Variants in DPP6 observed in about 807,000 individuals in gnomAD.
DPP6 encodes A-type potassium channel modulatory protein DPP6.
In DPP6, 69 loss-of-function variants were observed where a neutral mutation model predicts 122.6. The observed-to-expected ratio is 0.56, with a 90% confidence interval of 0.46 to 0.69. The LOEUF is 0.69. Ranked by LOEUF, DPP6 falls within the 30% of genes least tolerant of loss-of-function variation. DPP6 has a pLI of 0.00. For missense variants in DPP6, 928 were observed against 1,116.9 expected (o/e 0.83, Z 2.41); for synonymous variants, 418 against 433.1 (o/e 0.97, Z 0.43).
chr7:154,224,482 A>C (rs1192921542), intron 1 of DPP6, among the ~76,000 whole-genome samples: 3 of 149,256 alleles, frequency 2.0e-5, no homozygotes, highest in Non-Finnish European at 4.4e-5. Flanking sequence ...TGTGTACTCT[A>C]AATGTTTCTG....
intron 1 of DPP6, among the ~76,000 whole-genome samples, chr7:154,232,186 G>T (rs927749670): frequency 1.3e-5 from 2 of 152,068 alleles, no homozygotes; most frequent in Admixed American, 6.6e-5. Flanking sequence ...ACAAAATCAG[G>T]CTATCTAACA....
chr7:153,932,182 G>A (rs372568372), intron 1 of DPP6, among the ~76,000 whole-genome samples: 80 of 147,404 alleles, frequency 5.4e-4, no homozygotes, highest in Middle Eastern at 7.0e-3. Context: ...GTACAATGGC[G>A]CCATCTTGGC....
intron 6 of DPP6, among the ~76,000 whole-genome samples, chr7:154,666,024 C>A (rs1363363408): frequency 6.6e-6 from 1 of 151,974 alleles, no homozygotes; most frequent in Non-Finnish European, 1.5e-5. Flanking sequence ...CCCATCTTTC[C>A]ACCCTATTTC....
At chr7:154,110,518 G>C (rs890322227) in intron 1 of DPP6, among the ~76,000 whole-genome samples, 1 of 152,196 alleles carries the variant, frequency 6.6e-6, no homozygotes, top group African/African-American at 2.4e-5. Flanking sequence ...AAATCAGAGA[G>C]AAAAACACAG....
chr7:154,297,075 T>TG (rs1242080824), intron 1 of DPP6, among the ~76,000 whole-genome samples: 1 of 139,984 alleles, frequency 7.1e-6, no homozygotes, highest in Non-Finnish European at 1.5e-5. Flanking sequence ...TTTTTTTTTT[T>TG]TGTTTTGTTT....
At chr7:154,551,461 T>A (rs541890800) in intron 4 of DPP6, among the ~76,000 whole-genome samples, 68 of 152,312 alleles carry the variant, frequency 4.5e-4, no homozygotes, top group African/African-American at 1.5e-3. Flanking sequence ...AACATTTATC[T>A]TTTTCTTTTA....
chr7:153,815,141 T>C, the DPP6 span, among the ~76,000 whole-genome samples: 1 of 152,168 alleles, frequency 6.6e-6, no homozygotes, highest in Non-Finnish European at 1.5e-5. Context: ...ATAAAGGGTA[T>C]TCAATTAGGA....
At chr7:153,887,869 T>C in intron 1 of DPP6, 1 of 984,826 alleles carries the variant, frequency 1.0e-6, no homozygotes, top group East Asian at 2.8e-5. Flanking sequence ...CGGCGGCGCT[T>C]CTCCCACTTC....
the DPP6 span, among the ~76,000 whole-genome samples, chr7:153,877,481 C>T: frequency 1.3e-5 from 2 of 152,046 alleles, no homozygotes; most frequent in African/African-American, 4.8e-5. Flanking sequence ...CCAGCATCAC[C>T]AAAAACTCGT....
chr7:154,831,278 T>C (rs1436443110), intron 16 of DPP6, among the ~76,000 whole-genome samples: 1 of 152,070 alleles, frequency 6.6e-6, no homozygotes, highest in Non-Finnish European at 1.5e-5. Context: ...AGGCTCGGAG[T>C]GGCTTTGATG....
At chr7:154,051,654 C>T (rs1800328651), upstream of DPP6, among the ~76,000 whole-genome samples, 1 of 150,102 alleles carries the variant, frequency 6.7e-6, no homozygotes, top group African/African-American at 2.5e-5. Context: ...TGCGGGCAGC[C>T]GGAGAGCCGA....
chr7:154,482,586 T>C (rs1245869643), intron 3 of DPP6, among the ~76,000 whole-genome samples: 1 of 152,220 alleles, frequency 6.6e-6, no homozygotes, highest in Admixed American at 6.5e-5. Context: ...ATAACATATA[T>C]TGAATAATAC....
chr7:154,253,142 A>G (rs917043058), intron 1 of DPP6, among the ~76,000 whole-genome samples: 1 of 152,252 alleles, frequency 6.6e-6, no homozygotes, highest in Non-Finnish European at 1.5e-5. Flanking sequence ...TCATTGTCTG[A>G]GGAACCATTC....
intron 1 of DPP6, among the ~76,000 whole-genome samples, chr7:154,198,579 G>T (rs1231218225): frequency 6.6e-6 from 1 of 152,120 alleles, no homozygotes; most frequent in East Asian, 1.9e-4. Flanking sequence ...CACCCAAAGT[G>T]CTGGGATTAC....
chr7:153,921,856 T>C (rs1285273308), intron 1 of DPP6, among the ~76,000 whole-genome samples: 1 of 152,226 alleles, frequency 6.6e-6, no homozygotes, highest in East Asian at 1.9e-4. Flanking sequence ...AACTTGAAAG[T>C]ATCTGCAAGG....
the DPP6 span, among the ~76,000 whole-genome samples, chr7:153,808,395 CTGTGTGTGTGCCTGTA>C: frequency 2.5e-4 from 37 of 147,606 alleles, no homozygotes; most frequent in African/African-American, 8.6e-4. Context: ...GCGTGTGTGC[CTGTGTGTGTGCCTGTA>C]TGTGTGTCTG....
intron 1 of DPP6, among the ~76,000 whole-genome samples, chr7:154,388,461 C>G (rs1814315768): frequency 6.6e-6 from 1 of 152,104 alleles, no homozygotes; most frequent in African/African-American, 2.4e-5. Flanking sequence ...CCAAGTCTTC[C>G]CCCCAAAACT....
At chr7:154,796,372 C>A (rs949774485) in intron 12 of DPP6, 2 of 153,856 alleles carry the variant, frequency 1.3e-5, no homozygotes, top group African/African-American at 4.8e-5. Context: ...AGTCTTCATC[C>A]CTAACTCAGA....
At chr7:153,828,645 A>G in the DPP6 span, among the ~76,000 whole-genome samples, 2 of 152,198 alleles carry the variant, frequency 1.3e-5, no homozygotes, top group Admixed American at 6.5e-5. Context: ...GTATGCAAAC[A>G]TGTTTGTATG....
Sources: allele counts gnomAD v4.1 joint callset (sites outside exome capture counted in the v4.1 genomes callset), GRCh38; gene constraint gnomAD v4.1.1; transcripts MANE v1.5; gene names NCBI Gene and HGNC (gene_info 2026-07-23, HGNC 2026-07-21).